The following RIMOC1 variants were observed in gnomAD, a reference collection of about 807,000 sequenced individuals.
RIMOC1 encodes the protein RAB7A interacting MON1-CCZ1 complex subunit 1, also known as RAB7A-interacting MON1-CCZ1 complex subunit 1.
At chr5:41,904,696 G>A in the RIMOC1 span, among the ~76,000 whole-genome samples, 1 of 152,112 alleles carries the variant, frequency 6.6e-6, no homozygotes, top group Non-Finnish European at 1.5e-5. Flanking sequence ...CAGAACCCAT[G>A]GAAAATCTGT....
chr5:41,906,620 G>T, the RIMOC1 span, among the ~76,000 whole-genome samples: 1 of 152,150 alleles, frequency 6.6e-6, no homozygotes, highest in African/African-American at 2.4e-5. Context: ...CTAATGAGAG[G>T]TGGAAGGACA....
chr5:41,909,740 T>A, the RIMOC1 span: 1,780 of 1,522,324 alleles, frequency 1.2e-3, 2 homozygotes, highest in Non-Finnish European at 1.4e-3. Flanking sequence ...TTTTTTTTTT[T>A]TTTAGGCTAT....
the RIMOC1 span, chr5:41,912,082 G>T: frequency 6.2e-7 from 1 of 1,601,332 alleles, no homozygotes; most frequent in Non-Finnish European, 8.6e-7. Context: ...CTTCTTGATG[G>T]AATCAGTTAC....
At chr5:41,904,509 G>A in the RIMOC1 span, 4 of 1,578,192 alleles carry the variant, frequency 2.5e-6, no homozygotes, top group Admixed American at 7.0e-5. Context: ...GGCAGACGGC[G>A]CTAAGGTACT....
chr5:41,911,222 G>T, the RIMOC1 span: 1 of 1,566,192 alleles, frequency 6.4e-7, no homozygotes, highest in Non-Finnish European at 8.6e-7. Flanking sequence ...TTGACATTTA[G>T]AGGTTTCAAA....
chr5:41,916,883 C>T, the RIMOC1 span: 2 of 688,544 alleles, frequency 2.9e-6, no homozygotes, highest in Non-Finnish European at 4.4e-6. Context: ...TCATATTTGG[C>T]TTTTGTGTTA....
the RIMOC1 span, chr5:41,917,835 G>T: frequency 2.4e-6 from 2 of 822,778 alleles, no homozygotes; most frequent in Non-Finnish European, 2.9e-6. Context: ...AGGAATCATT[G>T]TGTTTAATTA....
At chr5:41,914,358 C>G in the RIMOC1 span, among the ~76,000 whole-genome samples, 23 of 152,034 alleles carry the variant, frequency 1.5e-4, no homozygotes, top group East Asian at 1.7e-3. Flanking sequence ...TTGTTCTCAT[C>G]TAAAGAAGTT....
the RIMOC1 span, among the ~76,000 whole-genome samples, chr5:41,912,735 C>T: frequency 6.6e-6 from 1 of 152,194 alleles, no homozygotes; most frequent in African/African-American, 2.4e-5. Context: ...CGTCACCTCC[C>T]ACCAGCTTCC....
the RIMOC1 span, chr5:41,911,114 A>G: frequency 7.5e-6 from 12 of 1,610,608 alleles, no homozygotes; most frequent in African/African-American, 1.3e-5. Context: ...CCTGCTGTAT[A>G]TGTATTGTCA....
the RIMOC1 span, chr5:41,909,691 G>GT: frequency 1.0e-4 from 127 of 1,269,404 alleles, no homozygotes; most frequent in African/African-American, 2.3e-4. Flanking sequence ...TGTAAGAATT[G>GT]TTTTTTTTCA....
At chr5:41,905,015 C>T in the RIMOC1 span, among the ~76,000 whole-genome samples, 2 of 152,184 alleles carry the variant, frequency 1.3e-5, no homozygotes, top group African/African-American at 4.8e-5. Context: ...TATTGGCATA[C>T]TTGTTTTGGA....
chr5:41,915,752 C>G, the RIMOC1 span, among the ~76,000 whole-genome samples: 1 of 152,260 alleles, frequency 6.6e-6, no homozygotes, highest in South Asian at 2.1e-4. Flanking sequence ...CCACTGGGTC[C>G]CTCCCACAAC....
chr5:41,920,444 T>C, the RIMOC1 span: 1 of 152,196 alleles, frequency 6.6e-6, no homozygotes, highest in Non-Finnish European at 1.5e-5. Context: ...GCCTACCATA[T>C]GCCAGATTTT....
chr5:41,904,435 T>C, the RIMOC1 span: 2 of 1,614,038 alleles, frequency 1.2e-6, no homozygotes, highest in South Asian at 1.1e-5. Flanking sequence ...CAGGCCCACA[T>C]ACAGCAACTT....
the RIMOC1 span, among the ~76,000 whole-genome samples, chr5:41,904,620 C>T: frequency 1.3e-5 from 2 of 152,130 alleles, no homozygotes; most frequent in African/African-American, 4.8e-5. Flanking sequence ...AGCCCCTCTG[C>T]GCCATCGATT....
the RIMOC1 span, chr5:41,916,426 C>T: frequency 2.1e-6 from 2 of 953,254 alleles, no homozygotes; most frequent in Non-Finnish European, 2.5e-6. Flanking sequence ...GAAAATTCTG[C>T]AGCATACTCT....
At chr5:41,917,886 C>A in the RIMOC1 span, 1 of 799,992 alleles carries the variant, frequency 1.3e-6, no homozygotes, top group Non-Finnish European at 1.5e-6. Flanking sequence ...ATTTCTACTT[C>A]CCTTAGGCAT....
chr5:41,918,239 G>A, the RIMOC1 span: 27 of 985,700 alleles, frequency 2.7e-5, no homozygotes, highest in South Asian at 2.8e-4. Context: ...TCCCGTGGCC[G>A]CACTTTGAAT....
Sources: allele counts gnomAD v4.1 joint callset (sites outside exome capture counted in the v4.1 genomes callset), GRCh38; gene constraint gnomAD v4.1.1; transcripts MANE v1.5; gene names NCBI Gene and HGNC (gene_info 2026-07-23, HGNC 2026-07-21).